SNX25: variants seen among roughly 807,000 people sequenced by gnomAD.
SNX25 encodes the protein sorting nexin 25.
In SNX25, 62 loss-of-function variants were observed where a neutral mutation model predicts 113.7. The ratio of observed to expected loss-of-function variants is 0.55; its 90% confidence interval spans 0.44 to 0.67. The LOEUF is 0.67. Ranked by LOEUF, SNX25 falls within the 30% of genes least tolerant of loss-of-function variation. SNX25 has a pLI of 0.00. For synonymous variants in SNX25, 421 were observed against 436.2 expected, an observed-to-expected ratio of 0.97 and a Z score of 0.43; for missense variants, 1,014 against 1,161.0, an observed-to-expected ratio of 0.87 and a Z score of 1.84.
chr4:185,375,832 C>A, the SNX25 span: 2 of 576,618 alleles, frequency 3.5e-6, no homozygotes, highest in African/African-American at 3.8e-5. Context: ...ACACAGTTAA[C>A]AAGCAATGCA....
intron 1 of SNX25, among the ~76,000 whole-genome samples, chr4:185,243,050 C>T (rs762608978): frequency 2.0e-3 from 307 of 151,858 alleles, no homozygotes; most frequent in Non-Finnish European, 1.8e-3. Flanking sequence ...TGATTCCTAG[C>T]GGGTGGGATG....
intron 9 of SNX25, among the ~76,000 whole-genome samples, chr4:185,331,028 T>G (rs1379640725): frequency 6.6e-6 from 1 of 152,190 alleles, no homozygotes; most frequent in African/African-American, 2.4e-5. Flanking sequence ...TGAACTGACA[T>G]TTGATGTGAG....
chr4:185,365,836 A>G (rs926729974), downstream of SNX25: 1 of 152,190 alleles, frequency 6.6e-6, no homozygotes, highest in East Asian at 1.9e-4. Context: ...ATACATGACC[A>G]TTTGAGGATA....
the SNX25 span, chr4:185,376,895 A>G: frequency 1.3e-5 from 20 of 1,577,336 alleles, no homozygotes; most frequent in African/African-American, 4.1e-5. Flanking sequence ...AAACGAATAA[A>G]CAAAAAATGA....
intron 17 of SNX25, 156 bp from the exon 18 acceptor site, chr4:185,362,455 C>T: frequency 1.3e-6 from 1 of 794,166 alleles, no homozygotes. Flanking sequence ...TTGAAACATT[C>T]TTTCCTGAAG....
At chr4:185,339,743 TC>T (rs2095250563) in intron 11 of SNX25, among the ~76,000 whole-genome samples, 1 of 152,198 alleles carries the variant, frequency 6.6e-6, no homozygotes, top group South Asian at 2.1e-4. Flanking sequence ...AGCAAGTTCT[TC>T]CTGTTCACTG....
At chr4:185,300,568 T>A (rs1292516085) in intron 6 of SNX25, among the ~76,000 whole-genome samples, 1 of 152,076 alleles carries the variant, frequency 6.6e-6, no homozygotes, top group Non-Finnish European at 1.5e-5. Context: ...TATGGACTCT[T>A]GTGGACTTCT....
intron 8 of SNX25, among the ~76,000 whole-genome samples, chr4:185,321,619 C>T (rs1359741776): frequency 4.6e-5 from 7 of 152,140 alleles, no homozygotes; most frequent in Non-Finnish European, 1.0e-4. Flanking sequence ...GGTACACATA[C>T]ATCTTACAGT....
At chr4:185,295,621 T>C (rs2126629989) in intron 6 of SNX25, among the ~76,000 whole-genome samples, 1 of 152,194 alleles carries the variant, frequency 6.6e-6, no homozygotes, top group South Asian at 2.1e-4. Context: ...AGCTAGTTTT[T>C]GTATTTTTTG....
At chr4:185,257,239 C>G (rs892410201) in intron 2 of SNX25, among the ~76,000 whole-genome samples, 6 of 151,188 alleles carry the variant, frequency 4.0e-5, no homozygotes, top group Non-Finnish European at 8.8e-5. Context: ...TTGGTACCCT[C>G]GAGTTGGAGC....
intron 1 of SNX25, among the ~76,000 whole-genome samples, chr4:185,244,818 T>C (rs1407015833): frequency 6.6e-6 from 1 of 152,202 alleles, no homozygotes; most frequent in African/African-American, 2.4e-5. Context: ...AAATCTTGAA[T>C]CTATGGCTTT....
intron 5 of SNX25, among the ~76,000 whole-genome samples, chr4:185,272,628 G>A (rs1265572646): frequency 6.6e-6 from 1 of 152,176 alleles, no homozygotes; most frequent in African/African-American, 2.4e-5. Context: ...TGATCGTAAC[G>A]TGCAACTAAT....
intron 9 of SNX25, 56 bp downstream of exon 9, chr4:185,323,856 T>C: frequency 6.3e-7 from 1 of 1,587,120 alleles, no homozygotes; most frequent in Non-Finnish European, 8.6e-7. Context: ...TAAATATGTT[T>C]AAGTGGGTGC....
chr4:185,368,590 G>T (rs1299493181), downstream of SNX25, among the ~76,000 whole-genome samples: 1 of 152,120 alleles, frequency 6.6e-6, no homozygotes, highest in Non-Finnish European at 1.5e-5. Context: ...TGCGTCATAT[G>T]ATATCATTCC....
At chr4:185,355,530 G>T (rs772559668) in intron 15 of SNX25, among the ~76,000 whole-genome samples, 1 of 152,160 alleles carries the variant, frequency 6.6e-6, no homozygotes, top group African/African-American at 2.4e-5. Context: ...TGCAGGCAGA[G>T]ATTTACACAT....
chr4:185,270,769 G>A (rs1445282349), intron 5 of SNX25, among the ~76,000 whole-genome samples: 3 of 152,156 alleles, frequency 2.0e-5, no homozygotes, highest in Non-Finnish European at 4.4e-5. Context: ...CATGTAAATG[G>A]AATCATGTAG....
chr4:185,255,494 G>A (rs542129748), intron 2 of SNX25, among the ~76,000 whole-genome samples: 4 of 152,116 alleles, frequency 2.6e-5, no homozygotes, highest in African/African-American at 4.8e-5. Context: ...GAGAGGTGTC[G>A]TTGCTGGGAT....
intron 1 of SNX25, among the ~76,000 whole-genome samples, chr4:185,236,123 C>T (rs368331723): frequency 1.6e-4 from 25 of 152,240 alleles, no homozygotes; most frequent in South Asian, 6.2e-4. Flanking sequence ...CATTCCCTTG[C>T]ACCTACTTCT....
the SNX25 span, chr4:185,378,642 A>C: frequency 6.1e-6 from 6 of 988,072 alleles, no homozygotes; most frequent in Non-Finnish European, 7.2e-6. Context: ...TGTCTATTTT[A>C]CCTGGGAATA....
Sources: gnomAD v4.1 joint callset for allele counts (sites outside exome capture counted in the v4.1 genomes callset) on GRCh38, gnomAD v4.1.1 for gene constraint, MANE v1.5 for transcripts, NCBI Gene and HGNC (gene_info 2026-07-23, HGNC 2026-07-21) for gene names.